PLA2R1: variants seen among roughly 807,000 people sequenced by gnomAD.
PLA2R1 encodes the protein secretory phospholipase A2 receptor.
PLA2R1 carries 158 observed loss-of-function variants against 195.9 expected under a neutral mutation model. That is an observed-to-expected ratio of 0.81 (90% CI 0.71 to 0.92). PLA2R1 has a LOEUF of 0.92. Ranked by LOEUF, PLA2R1 falls within the 40% of genes least tolerant of loss-of-function variation. The pLI is 0.00. For missense variants in PLA2R1, 1,626 were observed against 1,764.6 expected (o/e 0.92, Z 1.41); for synonymous variants, 586 against 598.2 (o/e 0.98, Z 0.30).
chr2:160,051,606 A>G (rs924104034), intron 1 of PLA2R1, among the ~76,000 whole-genome samples: 1 of 152,334 alleles, frequency 6.6e-6, no homozygotes, highest in East Asian at 1.9e-4. Context: ...CTAGTGAACA[A>G]TGGATTCAGA....
At chr2:159,957,218 A>T (rs1035495232) in intron 20 of PLA2R1, among the ~76,000 whole-genome samples, 1 of 152,190 alleles carries the variant, frequency 6.6e-6, no homozygotes, top group African/African-American at 2.4e-5. Context: ...GAAACCTGGG[A>T]AGAAGTAGAA....
At chr2:159,972,096 A>G (rs1220146452) in intron 17 of PLA2R1, among the ~76,000 whole-genome samples, 1 of 152,168 alleles carries the variant, frequency 6.6e-6, no homozygotes, top group Non-Finnish European at 1.5e-5. Context: ...TGGATTGTTC[A>G]CTGCCCCAAT....
intron 19 of PLA2R1, among the ~76,000 whole-genome samples, 172 bp downstream of exon 19, chr2:159,969,084 G>A (rs1688971637): frequency 1.3e-5 from 2 of 152,006 alleles, no homozygotes; most frequent in Admixed American, 1.3e-4. Flanking sequence ...TGCATGGATT[G>A]AACAGAAAAA....
chr2:159,981,733 C>T (rs566634175), intron 13 of PLA2R1, among the ~76,000 whole-genome samples: 1 of 152,056 alleles, frequency 6.6e-6, no homozygotes, highest in Non-Finnish European at 1.5e-5. Context: ...TATTTAAAGA[C>T]GGTTCTCGCT....
chr2:159,928,196 G>A (rs532447457), downstream of PLA2R1, among the ~76,000 whole-genome samples: 16 of 152,294 alleles, frequency 1.1e-4, no homozygotes, highest in South Asian at 2.1e-4. Context: ...GGTAGATGTC[G>A]TAATGCCAAT....
rs374905029 is a variant in PLA2R1, at chr2:159,979,860, G to A, written c.2238C>T (p.Ala746=). 6.7e-5 allele frequency: 108 copies of A among 1,605,850 alleles called. No individual in the cohort carries two copies. Among genetic ancestry groups the A allele is most frequent in the South Asian group, 3.5e-4 (32 of 90,782 alleles). The change falls in exon 14 of 30, where the codon GCC becomes GCT. Residue 746 remains alanine, a synonymous_variant. Transcript: ENST00000283243. Reference sequence around the variant, plus strand: ...TTCTATCAGACCACTCCCATGAGCCGGCATTCAGTGGGTTTCTTTTATTAA... The same window carrying A: ...TTCTATCAGACCACTCCCATGAGCCAGCATTCAGTGGGTTTCTTTTATTAA... ...IGFNKRNPLN[A]GSWEWSDRTP...
At chr2:159,927,280 C>CT (rs1686517941), downstream of PLA2R1, among the ~76,000 whole-genome samples, 2 of 152,178 alleles carry the variant, frequency 1.3e-5, no homozygotes, top group African/African-American at 4.8e-5. Flanking sequence ...AAAAAAGACT[C>CT]TTTTAAAGTT....
chr2:160,004,883 A>G (rs1371863470), intron 11 of PLA2R1, among the ~76,000 whole-genome samples: 1 of 152,208 alleles, frequency 6.6e-6, no homozygotes, highest in Non-Finnish European at 1.5e-5. Context: ...ATGAACTAGT[A>G]GAGCTGTTAA....
At chr2:159,929,854 G>T (rs1448060821), downstream of PLA2R1, among the ~76,000 whole-genome samples, 4 of 143,656 alleles carry the variant, frequency 2.8e-5, no homozygotes, top group Non-Finnish European at 4.6e-5. Flanking sequence ...TTATATATTT[G>T]TGTGTGTGTG....
At chr2:159,994,745 T>C (rs778223346) in intron 11 of PLA2R1, among the ~76,000 whole-genome samples, 20 of 152,030 alleles carry the variant, frequency 1.3e-4, no homozygotes, top group Non-Finnish European at 2.2e-4. Context: ...TACTGGTAGA[T>C]ACCATCTGGT....
In PLA2R1 at chr2:159,945,026, G is replaced by A. The variant is rs913903657; in HGVS notation, c.4024C>T (p.Arg1342Trp). 4.3e-6 allele frequency: 7 copies of A among 1,613,484 alleles called. No individual in the cohort carries two copies. Among genetic ancestry groups the A allele is most frequent in the East Asian group, 4.5e-5 (2 of 44,850 alleles). Residue 1342 changes from arginine (R) to tryptophan (W), a missense_variant, in exon 28 of 30, where the codon CGG becomes TGG. By Grantham distance (101) the Arg-to-Trp change is moderately radical. Transcript: ENST00000283243. ...TPTDQSNWGI[R>W]KPDTDYFKPH... ...TTGAAGTAGTCTGTGTCTGGCTTCCGAATGCCCCAGTTTGACTGGTCTGTG... is the reference window on the plus strand; with the variant it reads ...TTGAAGTAGTCTGTGTCTGGCTTCCAAATGCCCCAGTTTGACTGGTCTGTG...
In PLA2R1 at chr2:159,939,759, T is replaced by C. The variant is rs975372602; in HGVS notation, c.*2019A>G. On this transcript the variant is annotated 3_prime_UTR_variant, in exon 30 of 30. Coordinates refer to ENST00000283243, the MANE Select transcript of PLA2R1 (RefSeq NM_007366.5). ...TGTCAAATTATTATGTGTGACTATATACCTTGACTGGAAGGCTGGTTGATT... is the reference window on the plus strand; with the variant it reads ...TGTCAAATTATTATGTGTGACTATACACCTTGACTGGAAGGCTGGTTGATT... 5.3e-5 allele frequency: 8 copies of C among 152,196 alleles called. No individual in the cohort carries two copies. The highest frequency in any genetic ancestry group is 1.9e-4 in the African/African-American group (8 of 41,462). The allele number at this position is 152,196 out of a possible 1,614,324, so 9.4% of individuals were successfully genotyped here.
intron 1 of PLA2R1, among the ~76,000 whole-genome samples, chr2:160,057,346 C>T (rs1383377714): frequency 6.6e-6 from 1 of 152,174 alleles, no homozygotes; most frequent in Non-Finnish European, 1.5e-5. Context: ...CTGGGTCCCC[C>T]TTGAGATCCT....
At chr2:159,963,100 T>C (rs926775746) in intron 20 of PLA2R1, among the ~76,000 whole-genome samples, 8 of 152,222 alleles carry the variant, frequency 5.3e-5, no homozygotes, top group African/African-American at 4.8e-5. Flanking sequence ...TTCATGCTTT[T>C]GGGTTGTTCA....
rs1688832859 is a variant in PLA2R1 at position 159,967,027 on chromosome 2, C to T, written c.2904+512G>A. 5.9e-5 allele frequency among the ~76,000 whole-genome samples: 9 copies of T among 152,018 alleles called. No homozygotes were observed. In the South Asian group the frequency reaches 1.9e-3, roughly 32 times the overall value. On this transcript the variant is annotated intron_variant, in intron 20 of 29. Transcript: ENST00000283243. ...ACATTGACCAAGCTAAGTTATTAGT[C>T]CCTCAATTCACTAGTGGGCAGAGCT...
At chr2:160,036,507 G>A (rs189053187) in intron 3 of PLA2R1, among the ~76,000 whole-genome samples, 203 of 152,284 alleles carry the variant, frequency 1.3e-3, no homozygotes, top group African/African-American at 4.6e-3. Flanking sequence ...GCACACTGCA[G>A]TTTCTAAAGA....
At chr2:159,970,675 T>A (rs1052827311) in intron 17 of PLA2R1, among the ~76,000 whole-genome samples, 2 of 152,180 alleles carry the variant, frequency 1.3e-5, no homozygotes, top group African/African-American at 4.8e-5. Flanking sequence ...ATTGCTAAGC[T>A]TTAAGCAGTA....
chr2:160,000,761 T>C (rs1415742668), intron 11 of PLA2R1, among the ~76,000 whole-genome samples: 3 of 152,122 alleles, frequency 2.0e-5, no homozygotes, highest in African/African-American at 7.2e-5. Context: ...GAAATAAATA[T>C]AGTATCTAAC....
At chr2:159,992,667 T>G (rs182815876) in intron 11 of PLA2R1, among the ~76,000 whole-genome samples, 1 of 151,670 alleles carries the variant, frequency 6.6e-6, no homozygotes, top group East Asian at 1.9e-4. Flanking sequence ...AAAACTACTT[T>G]GAAGTTCATA....
Sources: gnomAD v4.1 joint callset for allele counts (sites outside exome capture counted in the v4.1 genomes callset) on GRCh38, gnomAD v4.1.1 for gene constraint, MANE v1.5 for transcripts, NCBI Gene and HGNC (gene_info 2026-07-23, HGNC 2026-07-21) for gene names.